SWT1: variants seen among roughly 807,000 people sequenced by gnomAD.
The protein encoded by SWT1 is transcriptional protein SWT1.
SWT1 carries 33 observed loss-of-function variants against 107.3 expected under a neutral mutation model. The observed-to-expected ratio is 0.31, with a 90% CI of 0.23 to 0.41. The LOEUF (loss-of-function observed/expected upper bound fraction) is 0.41. Ranked by LOEUF, SWT1 falls within the 10% of genes least tolerant of loss-of-function variation. The pLI, the probability that SWT1 is intolerant of heterozygous loss-of-function variation, is 1.00. For missense variants in SWT1, 898 were observed against 1,028.9 expected (o/e 0.87, Z 1.74); for synonymous variants, 345 against 348.3 (o/e 0.99, Z 0.11).
intron 16 of SWT1, among the ~76,000 whole-genome samples, chr1:185,244,014 C>T (rs191907157): frequency 2.6e-5 from 4 of 152,126 alleles, no homozygotes; most frequent in African/African-American, 9.6e-5. Context: ...CTTTCATGGA[C>T]TTTCATCCAT....
In SWT1 at chr1:185,227,704, G is replaced by T. The variant is rs932553805; in HGVS notation, c.2310-3873G>T. The stretch of plus-strand genomic sequence containing the variant: ...TAACAACTTTAACAAACCCCATCCT[G>T]CAGAACAGAGACCTGCGTCTGCAGC... On this transcript the variant is annotated intron_variant, in intron 15 of 18. Coordinates refer to ENST00000367500, the MANE Select transcript of SWT1 (RefSeq NM_017673.7). The T allele has an allele frequency of 3.5e-5, 19 of 547,464 alleles. No individual in the cohort carries two copies. The Admixed American group carries it at 4.0e-4, about 11-fold the overall frequency. The allele number at this position is 547,464 out of a possible 1,614,324, so 33.9% of individuals were successfully genotyped here.
At chr1:185,216,731 C>T (rs1380399666) in intron 14 of SWT1, among the ~76,000 whole-genome samples, 1 of 152,052 alleles carries the variant, frequency 6.6e-6, no homozygotes, top group Non-Finnish European at 1.5e-5. Context: ...TTGGGTGGAT[C>T]ACCTAAGGGC....
At chr1:185,282,147 C>T (rs1351463958) in intron 18 of SWT1, among the ~76,000 whole-genome samples, 6 of 152,086 alleles carry the variant, frequency 3.9e-5, no homozygotes, top group East Asian at 1.9e-4. Context: ...TTTTCCCCAC[C>T]GTAAAAGACT....
At chr1:185,206,310 T>C (rs545069699) in intron 12 of SWT1, among the ~76,000 whole-genome samples, 7 of 152,336 alleles carry the variant, frequency 4.6e-5, no homozygotes, top group African/African-American at 1.7e-4. Flanking sequence ...AATTTTCTTA[T>C]AGCGATGACT....
At chr1:185,229,961 G>A (rs1033750609) in intron 15 of SWT1, among the ~76,000 whole-genome samples, 4 of 152,078 alleles carry the variant, frequency 2.6e-5, no homozygotes, top group African/African-American at 9.7e-5. Flanking sequence ...CCGCTCAATG[G>A]ATTCAGTTTC....
chr1:185,168,271 C>G, intron 3 of SWT1, 69 bp from the exon 4 acceptor site: 1 of 923,334 alleles, frequency 1.1e-6, no homozygotes, highest in South Asian at 1.9e-5. Context: ...AGCCTATTCA[C>G]TATCATAAAC....
At chr1:185,200,126 A>T (rs1227759417) in intron 10 of SWT1, among the ~76,000 whole-genome samples, 1 of 151,784 alleles carries the variant, frequency 6.6e-6, no homozygotes, top group East Asian at 1.9e-4. Flanking sequence ...CGAATTGGTT[A>T]TTATAGTTAG....
Position 185,204,874 on chromosome 1 carries a change from G to T in SWT1, c.1833+11G>T. The T allele has an allele frequency of 6.6e-7, 1 of 1,520,438 alleles. No homozygotes were observed. The highest frequency in any genetic ancestry group is 1.3e-5 in the South Asian group (1 of 76,676). The allele number at this position is 1,520,438 out of a possible 1,614,324, so 94.2% of individuals were successfully genotyped here. A position where few individuals can be genotyped will look rare whatever the true frequency, so the allele number is the denominator to read the frequency against. On this transcript the variant is annotated intron_variant, in intron 12 of 18. Coordinates refer to ENST00000367500, the MANE Select transcript of SWT1 (RefSeq NM_017673.7). ...AACCTTTGGATGGAGGTGATTAGTT[G>T]AACTCTATTAGTTGAAAATTTCTTT...
At chr1:185,228,241 C>G (rs954182656) in intron 15 of SWT1, among the ~76,000 whole-genome samples, 1 of 148,382 alleles carries the variant, frequency 6.7e-6, no homozygotes, top group Non-Finnish European at 1.5e-5. Context: ...ACATTTTCTG[C>G]TAGATGCAGT....
At position 185,180,450 on chromosome 1, in the gene SWT1, G is replaced by T; in HGVS notation, c.1026G>T (p.Glu342Asp). Residue 342 changes from glutamate to aspartate, a missense_variant and splice_region_variant, in exon 6 of 19, where the codon GAG (glutamate) becomes GAT (aspartate). By Grantham distance (45) the Glu-to-Asp change is conservative. Transcript: ENST00000367500. ...SSESIQDADQEMQIVEELHAA... is the reference protein window; with the variant it reads ...SSESIQDADQDMQIVEELHAA... The stretch of plus-strand genomic sequence containing the variant: ...AAAGTATCCAGGATGCAGATCAAGA[G>T]GTTATTGATATTCTTGTTTACTTTG... 1 of 1,603,706 alleles carries T rather than the reference G, an allele frequency of 6.2e-7. No individual in the cohort carries two copies. Among genetic ancestry groups the T allele is most frequent in the Non-Finnish European group, 8.5e-7 (1 of 1,170,742 alleles).
intron 16 of SWT1, among the ~76,000 whole-genome samples, chr1:185,237,303 A>G (rs1660957243): frequency 6.6e-6 from 1 of 152,198 alleles, no homozygotes; most frequent in Non-Finnish European, 1.5e-5. Flanking sequence ...AACCAACCCA[A>G]ATGCCTATCA....
intron 16 of SWT1, among the ~76,000 whole-genome samples, chr1:185,244,314 G>A (rs1571601147): frequency 6.6e-6 from 1 of 152,056 alleles, no homozygotes; most frequent in African/African-American, 2.4e-5. Context: ...AATCTAGATG[G>A]AATAGCCCAC....
At chr1:185,252,566 T>A (rs1558076250) in intron 16 of SWT1, among the ~76,000 whole-genome samples, 1 of 152,262 alleles carries the variant, frequency 6.6e-6, no homozygotes, top group Admixed American at 6.5e-5. Flanking sequence ...GTTTTTTGGC[T>A]GCATAAATGT....
intron 16 of SWT1, among the ~76,000 whole-genome samples, chr1:185,238,852 A>G (rs1307356954): frequency 6.6e-6 from 1 of 152,094 alleles, no homozygotes; most frequent in African/African-American, 2.4e-5. Flanking sequence ...AAAGAAGCTC[A>G]GTTTAAAAAT....
Position 185,291,015 on chromosome 1 carries a change from C to A in SWT1, c.*212C>A. 3.2e-6 allele frequency: 1 copy of A among 309,822 alleles called. No homozygotes were observed. The highest frequency in any genetic ancestry group is 5.7e-5 in the East Asian group (1 of 17,522). The allele number at this position is 309,822 out of a possible 1,614,324, so 19.2% of individuals were successfully genotyped here. A position where few individuals can be genotyped will look rare whatever the true frequency, so the allele number is the denominator to read the frequency against. ...AATAAACTCCATAGACTCAACTCTT[C>A]TGGAGTTCACAATGCCTCCCTACCT... On this transcript the variant is annotated 3_prime_UTR_variant, in exon 19 of 19. Coordinates refer to ENST00000367500, the MANE Select transcript of SWT1 (RefSeq NM_017673.7).
At chr1:185,192,738 C>T (rs555573168) in intron 10 of SWT1, among the ~76,000 whole-genome samples, 38 of 151,464 alleles carry the variant, frequency 2.5e-4, no homozygotes, top group African/African-American at 9.0e-4. Context: ...GTCTCTGCCT[C>T]TTGGGTTCAA....
intron 6 of SWT1, among the ~76,000 whole-genome samples, chr1:185,181,126 G>T (rs953453137): frequency 6.6e-6 from 1 of 152,010 alleles, no homozygotes; most frequent in African/African-American, 2.4e-5. Context: ...AAATTAGCTG[G>T]GCATGGTGGT....
intron 16 of SWT1, among the ~76,000 whole-genome samples, chr1:185,258,961 A>G (rs901687459): frequency 6.6e-6 from 1 of 152,072 alleles, no homozygotes; most frequent in East Asian, 1.9e-4. Flanking sequence ...TCTATCAGCC[A>G]TATCTCTTGA....
rs769660610 is a variant in SWT1 at position 185,175,051 on chromosome 1, C to T, written c.904C>T (p.Arg302Ter). ...TAAGCGGACTGTTCATGAGTGGAAA[C>T]GAAAACATCATTATGACCATCAAGA... is the stretch of plus-strand genomic sequence containing the variant. The part of the protein sequence containing the change: ...TYKRTVHEWK[R>*]KHHYDHQESN... Residue 302 changes from arginine to a stop codon, truncating the protein, a stop_gained, in exon 5 of 19, where the codon CGA becomes TGA. Transcript: ENST00000367500. LOFTEE classifies it high-confidence loss of function. 2.5e-6 allele frequency: 4 copies of T among 1,596,248 alleles called. No homozygotes were observed. Among genetic ancestry groups the T allele is most frequent in the South Asian group, 1.1e-5 (1 of 87,098 alleles).
Sources: allele counts gnomAD v4.1 joint callset (sites outside exome capture counted in the v4.1 genomes callset), GRCh38; gene constraint gnomAD v4.1.1; transcripts MANE v1.5; gene names NCBI Gene and HGNC (gene_info 2026-07-23, HGNC 2026-07-21).